The following HTR1F variants were observed in gnomAD, a reference collection of about 807,000 sequenced individuals.
HTR1F encodes the protein 5-hydroxytryptamine receptor 1F, also known as 5-hydroxytryptamine (serotonin) receptor 1F, G protein-coupled.
HTR1F carries 17 observed loss-of-function variants against 24.0 expected under a neutral mutation model. That is an observed-to-expected ratio of 0.71 (90% CI 0.48 to 1.06). The LOEUF is 1.06. HTR1F is among the 50% of genes least tolerant of loss of function. The pLI is 0.00. For missense variants in HTR1F, 391 were observed against 427.8 expected (o/e 0.91, Z 0.76); for synonymous variants, 186 against 156.8 (o/e 1.19, Z -1.39).
intron 2 of HTR1F, among the ~76,000 whole-genome samples, chr3:87,942,757 G>C (rs1000019133): frequency 1.4e-5 from 2 of 147,718 alleles, no homozygotes; most frequent in African/African-American, 2.5e-5. Flanking sequence ...TTTTTATCCT[G>C]TTTGTCCTAT....
intron 2 of HTR1F, among the ~76,000 whole-genome samples, chr3:87,891,261 C>T (rs1559620870): frequency 6.6e-6 from 1 of 151,864 alleles, no homozygotes; most frequent in Non-Finnish European, 1.5e-5. Context: ...AAAGAGATAT[C>T]TAATAAAAAT....
chr3:87,935,556 G>A (rs1704392425), intron 2 of HTR1F, among the ~76,000 whole-genome samples: 1 of 151,174 alleles, frequency 6.6e-6, no homozygotes, highest in Non-Finnish European at 1.5e-5. Flanking sequence ...TCAGCTGAAA[G>A]ACCTACCTCC....
At chr3:87,976,743 CA>C (rs1215430526) in intron 2 of HTR1F, among the ~76,000 whole-genome samples, 1 of 152,210 alleles carries the variant, frequency 6.6e-6, no homozygotes, top group South Asian at 2.1e-4. Context: ...ACTTTACAAA[CA>C]AAAGTTTTAA....
intron 1 of HTR1F, among the ~76,000 whole-genome samples, chr3:87,805,020 G>A (rs148229313): frequency 3.3e-4 from 50 of 151,922 alleles, no homozygotes; most frequent in African/African-American, 1.2e-3. Flanking sequence ...TGATACTAAT[G>A]CCATGTCTTT....
At chr3:87,819,519 C>G (rs1486981359) in intron 1 of HTR1F, among the ~76,000 whole-genome samples, 1 of 151,754 alleles carries the variant, frequency 6.6e-6, no homozygotes, top group Non-Finnish European at 1.5e-5. Context: ...TTTATTTTCT[C>G]TCTTGCCTTT....
At chr3:87,808,174 A>G (rs1704103215) in intron 1 of HTR1F, among the ~76,000 whole-genome samples, 1 of 151,994 alleles carries the variant, frequency 6.6e-6, no homozygotes, top group South Asian at 2.1e-4. Flanking sequence ...ATTTTTTGGA[A>G]TAGTTTGAGG....
intron 2 of HTR1F, among the ~76,000 whole-genome samples, chr3:87,829,043 C>G (rs1348224557): frequency 7.3e-6 from 1 of 136,234 alleles, no homozygotes; most frequent in Non-Finnish European, 1.5e-5. Flanking sequence ...AGTCAGCATA[C>G]CAAAAAAAAA....
chr3:87,848,440 T>A (rs2107197423), intron 2 of HTR1F, among the ~76,000 whole-genome samples: 1 of 151,932 alleles, frequency 6.6e-6, no homozygotes, highest in East Asian at 1.9e-4. Flanking sequence ...AATTTGCAAA[T>A]TTTTTCCCCT....
intron 1 of HTR1F, among the ~76,000 whole-genome samples, chr3:87,819,216 C>A (rs1419154917): frequency 6.6e-6 from 1 of 152,008 alleles, no homozygotes; most frequent in African/African-American, 2.4e-5. Flanking sequence ...TGCCATGGTT[C>A]TATTTAAAAT....
chr3:87,987,721 T>A (rs13063448), intron 2 of HTR1F, among the ~76,000 whole-genome samples: 18 of 92,018 alleles, frequency 2.0e-4, no homozygotes, highest in African/African-American at 4.5e-4. Context: ...TATATGTATT[T>A]TATATATGTA....
At chr3:87,944,002 C>A (rs541280664) in intron 2 of HTR1F, among the ~76,000 whole-genome samples, 1 of 152,324 alleles carries the variant, frequency 6.6e-6, no homozygotes, top group East Asian at 1.9e-4. Context: ...AGAGCCCCCT[C>A]TGTGGTCCTA....
chr3:87,887,319 T>C (rs1404021896), intron 2 of HTR1F, among the ~76,000 whole-genome samples: 2 of 152,012 alleles, frequency 1.3e-5, no homozygotes, highest in Non-Finnish European at 2.9e-5. Context: ...TATACAAAAA[T>C]TAATTCAAGA....
At chr3:87,842,945 T>C (rs1255307885) in intron 2 of HTR1F, among the ~76,000 whole-genome samples, 1 of 151,914 alleles carries the variant, frequency 6.6e-6, no homozygotes, top group Non-Finnish European at 1.5e-5. Context: ...ACACACTTTA[T>C]ACATGCTGTA....
chr3:87,827,123 CT>C lies in HTR1F; in HGVS notation c.-43+5013del, dbSNP rs61445115. On this transcript the variant is annotated intron_variant, in intron 2 of 2. Transcript: ENST00000319595. Reference sequence around the variant, plus strand: ...ACCACTATCATTATTTTCTTTCTTTCTTTTTTTTTTTTTTACTTTAAGTCCC... The same window carrying C: ...ACCACTATCATTATTTTCTTTCTTTCTTTTTTTTTTTTTACTTTAAGTCCC... 8.5e-3 allele frequency among the ~76,000 whole-genome samples: 1,218 copies of C among 143,176 alleles called. 3 individuals are homozygous for C. Among genetic ancestry groups the C allele is most frequent in the African/African-American group, 0.012 (473 of 39,322 alleles). 93.9% of individuals were successfully genotyped at this position (143,176 alleles called of 152,430 possible). A position where few individuals can be genotyped will look rare whatever the true frequency, so the allele number is the denominator to read the frequency against.
Position 87,991,072 on chromosome 3 carries a change from C to T in HTR1F, c.323C>T (p.Thr108Met), listed in dbSNP as rs1434011209. The T allele has an allele frequency of 7.4e-6, 12 of 1,613,874 alleles. No homozygotes were observed. Among genetic ancestry groups the T allele is most frequent in the South Asian group, 1.1e-5 (1 of 91,088 alleles). The stretch of plus-strand genomic sequence containing the variant: ...CTGAGTGTTGACATTACCTGCTGCA[C>T]GTGCTCCATCTTGCATCTCTCAGCT... ...IWLSVDITCCTCSILHLSAIA... is the reference protein window; with the variant it reads ...IWLSVDITCCMCSILHLSAIA... The change falls in exon 3 of 3, where the codon ACG (threonine) becomes ATG (methionine). Residue 108 changes from threonine (T) to methionine (M), a missense_variant. Thr to Met is a moderately conservative substitution (Grantham distance 81). Transcript: ENST00000319595.
At chr3:87,830,091 A>G (rs1704545250) in intron 2 of HTR1F, among the ~76,000 whole-genome samples, 1 of 152,190 alleles carries the variant, frequency 6.6e-6, no homozygotes, top group Admixed American at 6.5e-5. Context: ...TTTGAAAATA[A>G]TTTGGTAGAA....
intron 2 of HTR1F, among the ~76,000 whole-genome samples, chr3:87,951,321 A>T (rs1259338397): frequency 6.6e-6 from 1 of 152,180 alleles, no homozygotes; most frequent in East Asian, 1.9e-4. Flanking sequence ...GACACTGTAC[A>T]GTTTAGATGT....
In HTR1F at chr3:87,825,606, TG is replaced by T. The variant is rs202232899; in HGVS notation, c.-43+3485del. Among the ~76,000 whole-genome samples, 584 of 152,312 alleles carry T rather than the reference TG, an allele frequency of 3.8e-3. 6 individuals are homozygous for T. Among genetic ancestry groups the T allele is most frequent in the African/African-American group, 0.013 (561 of 41,572 alleles). ...CTCAATTCATCATACAAAATATTTC[TG>T]GGATTTATGCTGTTTTCATTAGTAC... is the stretch of plus-strand genomic sequence containing the variant. On this transcript the variant is annotated intron_variant, in intron 2 of 2. Coordinates refer to ENST00000319595, the MANE Select transcript of HTR1F (RefSeq NM_001322209.2).
intron 2 of HTR1F, among the ~76,000 whole-genome samples, chr3:87,939,121 T>C (rs769233137): frequency 6.6e-6 from 1 of 152,176 alleles, no homozygotes; most frequent in Non-Finnish European, 1.5e-5. Flanking sequence ...TCTGCATCTA[T>C]TGAGATAATC....
Sources: allele counts gnomAD v4.1 joint callset (sites outside exome capture counted in the v4.1 genomes callset), GRCh38; gene constraint gnomAD v4.1.1; transcripts MANE v1.5; gene names NCBI Gene and HGNC (gene_info 2026-07-23, HGNC 2026-07-21).